The following ATOSA variants were observed in gnomAD, a reference collection of about 807,000 sequenced individuals.
ATOSA encodes atos homolog A, also known as atos homolog protein A.
At chr15:52,707,160 A>G in the ATOSA span, among the ~76,000 whole-genome samples, 4 of 152,220 alleles carry the variant, frequency 2.6e-5, no homozygotes, top group Admixed American at 6.5e-5. Context: ...TTTTACAACC[A>G]TCATGGTAAA....
the ATOSA span, among the ~76,000 whole-genome samples, chr15:52,705,843 G>A: frequency 5.3e-5 from 8 of 152,064 alleles, no homozygotes; most frequent in African/African-American, 1.9e-4. Flanking sequence ...TATAAGTTGA[G>A]TAAAATATAA....
At chr15:52,603,461 G>C in the ATOSA span, among the ~76,000 whole-genome samples, 1 of 152,016 alleles carries the variant, frequency 6.6e-6, no homozygotes, top group Non-Finnish European at 1.5e-5. Context: ...ATATGACCCA[G>C]CAATCCCACT....
At chr15:52,607,431 C>T in the ATOSA span, among the ~76,000 whole-genome samples, 1 of 152,216 alleles carries the variant, frequency 6.6e-6, no homozygotes, top group African/African-American at 2.4e-5. Flanking sequence ...ATTTTCTAAA[C>T]AAGAGGAATG....
the ATOSA span, among the ~76,000 whole-genome samples, chr15:52,591,291 C>T: frequency 7.2e-5 from 11 of 152,280 alleles, no homozygotes; most frequent in African/African-American, 2.2e-4. Flanking sequence ...AGTGCAATGA[C>T]GCGATCTCGG....
chr15:52,694,640 C>A, the ATOSA span, among the ~76,000 whole-genome samples: 6 of 151,754 alleles, frequency 4.0e-5, no homozygotes, highest in African/African-American at 1.5e-4. Context: ...CCGAATATAG[C>A]AAGACCCCGC....
the ATOSA span, chr15:52,609,038 T>C: frequency 1.4e-5 from 23 of 1,613,308 alleles, no homozygotes; most frequent in Non-Finnish European, 1.9e-5. Flanking sequence ...TTGAATCTGC[T>C]TGTCAAATCT....
the ATOSA span, among the ~76,000 whole-genome samples, chr15:52,637,711 A>G: frequency 2.0e-5 from 3 of 152,188 alleles, no homozygotes; most frequent in Non-Finnish European, 2.9e-5. Flanking sequence ...TACTAATAAG[A>G]GCCCAAACTC....
the ATOSA span, among the ~76,000 whole-genome samples, chr15:52,645,763 T>C: frequency 0.74 from 111,940 of 152,136 alleles, 42,767 homozygotes; most frequent in Middle Eastern, 0.84. Flanking sequence ...TTTTCACTAT[T>C]CTTTGTGGGA....
chr15:52,635,441 C>T, the ATOSA span, among the ~76,000 whole-genome samples: 449 of 152,242 alleles, frequency 2.9e-3, 2 homozygotes, highest in African/African-American at 0.01. Context: ...ACCTGTAATG[C>T]CAGCACTTTG....
the ATOSA span, among the ~76,000 whole-genome samples, chr15:52,631,612 T>C: frequency 3.9e-5 from 6 of 152,310 alleles, no homozygotes; most frequent in East Asian, 1.2e-3. Flanking sequence ...ATTTCTAGAA[T>C]GCATTTTACA....
At chr15:52,641,043 T>C in the ATOSA span, among the ~76,000 whole-genome samples, 2 of 152,128 alleles carry the variant, frequency 1.3e-5, no homozygotes, top group Non-Finnish European at 2.9e-5. Flanking sequence ...AGACATGCAG[T>C]CTTGGAGAAT....
At chr15:52,678,408 G>C in the ATOSA span, 1 of 233,144 alleles carries the variant, frequency 4.3e-6, no homozygotes, top group Non-Finnish European at 8.5e-6. Context: ...AGAAGAAAAA[G>C]ATTTGAGCAA....
At chr15:52,634,234 A>C in the ATOSA span, among the ~76,000 whole-genome samples, 1 of 152,132 alleles carries the variant, frequency 6.6e-6, no homozygotes, top group Admixed American at 6.5e-5. Context: ...GGAGTTCAAG[A>C]CCAGCCTGGC....
chr15:52,638,577 T>A, the ATOSA span, among the ~76,000 whole-genome samples: 2 of 151,814 alleles, frequency 1.3e-5, no homozygotes, highest in African/African-American at 2.4e-5. Context: ...GGTGAGCACC[T>A]GTAATCCCAG....
the ATOSA span, among the ~76,000 whole-genome samples, chr15:52,643,444 A>G: frequency 7.1e-6 from 1 of 141,540 alleles, no homozygotes; most frequent in Admixed American, 7.2e-5. Context: ...GGCATGCACC[A>G]CCTCACCTGG....
the ATOSA span, among the ~76,000 whole-genome samples, chr15:52,644,273 C>T: frequency 1.3e-5 from 2 of 152,070 alleles, no homozygotes; most frequent in Non-Finnish European, 2.9e-5. Flanking sequence ...TTTAACTTTA[C>T]CTCTTCATCA....
chr15:52,699,210 G>C, the ATOSA span, among the ~76,000 whole-genome samples: 2 of 152,092 alleles, frequency 1.3e-5, no homozygotes, highest in African/African-American at 4.8e-5. Context: ...TACCTGTTTT[G>C]TTTACTGTCT....
the ATOSA span, among the ~76,000 whole-genome samples, chr15:52,606,083 T>C: frequency 2.0e-5 from 3 of 152,008 alleles, no homozygotes; most frequent in Admixed American, 6.6e-5. Context: ...CATGAGTAAC[T>C]GAAACCATGG....
chr15:52,619,520 C>G, the ATOSA span, among the ~76,000 whole-genome samples: 3 of 152,084 alleles, frequency 2.0e-5, no homozygotes, highest in African/African-American at 7.2e-5. Context: ...ATATGAACTG[C>G]TAGGCCTTCT....
Sources: allele counts gnomAD v4.1 joint callset (sites outside exome capture counted in the v4.1 genomes callset), GRCh38; gene constraint gnomAD v4.1.1; transcripts MANE v1.5; gene names NCBI Gene and HGNC (gene_info 2026-07-23, HGNC 2026-07-21).